Variants in AK5 observed in about 807,000 individuals in gnomAD.
The protein encoded by AK5 is adenylate kinase 5, also known as adenylate kinase isoenzyme 5.
Under a neutral mutation model 69.5 loss-of-function variants are expected in AK5, and 27 were observed. That is an observed-to-expected ratio of 0.39 (90% CI 0.29 to 0.54). The LOEUF is 0.54. Ranked by LOEUF, AK5 falls within the 20% of genes least tolerant of loss-of-function variation. The pLI is 0.71. For synonymous variants in AK5, 260 were observed against 244.4 expected, an observed-to-expected ratio of 1.06 and a Z score of -0.60; for missense variants, 531 against 700.4, an observed-to-expected ratio of 0.76 and a Z score of 2.73.
chr1:77,450,541 T>A (rs1410468522), intron 8 of AK5, among the ~76,000 whole-genome samples: 2 of 33,826 alleles, frequency 5.9e-5, no homozygotes, highest in Non-Finnish European at 1.2e-4. Context: ...TGGTTTAATC[T>A]TCACAACAGT....
At chr1:77,362,683 A>G (rs1022748376) in intron 6 of AK5, among the ~76,000 whole-genome samples, 3 of 152,246 alleles carry the variant, frequency 2.0e-5, no homozygotes, top group Admixed American at 6.5e-5. Flanking sequence ...CATCAAACAA[A>G]TTATAAAAAC....
chr1:77,486,502 T>C (rs566167586), intron 10 of AK5, 150 bp downstream of exon 10: 14 of 484,840 alleles, frequency 2.9e-5, no homozygotes, highest in East Asian at 1.6e-4. Flanking sequence ...GAGACCATCC[T>C]GGCTAACACA....
intron 8 of AK5, among the ~76,000 whole-genome samples, chr1:77,425,144 C>CT (rs1651109033): frequency 6.6e-6 from 1 of 152,106 alleles, no homozygotes; most frequent in African/African-American, 2.4e-5. Context: ...GGGAATAAAG[C>CT]ACCAACCTAG....
intron 8 of AK5, among the ~76,000 whole-genome samples, chr1:77,453,024 C>T (rs1248589360): frequency 1.3e-5 from 2 of 152,166 alleles, no homozygotes; most frequent in East Asian, 3.8e-4. Context: ...AATGATATAA[C>T]AAACATCATT....
chr1:77,334,442 T>C (rs1012334798), intron 5 of AK5, among the ~76,000 whole-genome samples: 3 of 152,142 alleles, frequency 2.0e-5, no homozygotes, highest in African/African-American at 7.2e-5. Context: ...TTCTGCTTAT[T>C]ATTGTTGGTT....
At position 77,521,025 on chromosome 1, in the gene AK5, A is replaced by G. The variant is rs145482641; in HGVS notation, c.1312-802A>G. Among the ~76,000 whole-genome samples the G allele has an allele frequency of 3.3e-3, 498 of 152,338 alleles. 4 individuals carry two copies. Among genetic ancestry groups the G allele is most frequent in the African/African-American group, 0.011 (455 of 41,566 alleles). On this transcript the variant is annotated intron_variant, in intron 11 of 13. Transcript: ENST00000354567. ...CACTTGCTAAATACAAATTTTCAAC[A>G]AAGAAAGTGATGTTACTTGAAAATG...
At chr1:77,297,790 G>C in intron 4 of AK5, 44 bp from the exon 5 acceptor site, 2 of 1,607,192 alleles carry the variant, frequency 1.2e-6, no homozygotes, top group Admixed American at 3.4e-5. Context: ...AGTATACTAA[G>C]TTTAACTGTG....
At chr1:77,303,794 G>A (rs1570344689) in intron 5 of AK5, among the ~76,000 whole-genome samples, 4 of 152,208 alleles carry the variant, frequency 2.6e-5, no homozygotes, top group Non-Finnish European at 2.9e-5. Flanking sequence ...CCATGGCCAG[G>A]TTCCAGCTGA....
rs1379207246 is a variant in AK5 at position 77,518,578 on chromosome 1, G to A, written c.1162G>A (p.Gly388Ser). ...IIFIIGGPGS[G>S]KGTQCEKLVE... ...TTCTTTTCAAGGTGGTCCTGGCTCT[G>A]GCAAAGGCACACAGTGTGAAAAGCT... Residue 388 changes from glycine to serine, a missense_variant, in exon 11 of 14, where the codon GGC becomes AGC. Coordinates refer to ENST00000354567, the MANE Select transcript of AK5 (RefSeq NM_174858.3). 1 of 1,614,028 alleles carries A rather than the reference G, an allele frequency of 6.2e-7. No individual in the cohort carries two copies. The highest frequency in any genetic ancestry group is 1.1e-5 in the South Asian group (1 of 91,040).
At chr1:77,467,767 G>T (rs942157927) in intron 8 of AK5, among the ~76,000 whole-genome samples, 2 of 152,204 alleles carry the variant, frequency 1.3e-5, no homozygotes, top group African/African-American at 2.4e-5. Context: ...TACAACCTCA[G>T]GGGAAGGAGG....
In AK5 at chr1:77,535,992, C is replaced by A; in HGVS notation, c.1574C>A (p.Ser525Tyr). The A allele has an allele frequency of 6.2e-7, 1 of 1,614,010 alleles. No individual in the cohort carries two copies. Among genetic ancestry groups the A allele is most frequent in the Non-Finnish European group, 8.5e-7 (1 of 1,179,990 alleles). Residue 525 changes from serine (S) to tyrosine (Y), a missense_variant, in exon 13 of 14, where the codon TCC becomes TAC. Physicochemically the swap from Ser to Tyr is moderately radical, Grantham distance 144. Transcript: ENST00000354567. ...CGCCTAGAAGCCTACTACCGAGCGT[C>A]CATCCCCGTGATCGCCTACTACGAG... ...AKRLEAYYRA[S>Y]IPVIAYYETK...
chr1:77,332,027 TC>T (rs1661114722), intron 5 of AK5, among the ~76,000 whole-genome samples: 1 of 152,136 alleles, frequency 6.6e-6, no homozygotes, highest in South Asian at 2.1e-4. Flanking sequence ...AGCCTTGACT[TC>T]CCCAGGCTCA....
chr1:77,340,270 C>T, intron 5 of AK5, 107 bp from the exon 6 acceptor site: 3 of 1,137,410 alleles, frequency 2.6e-6, no homozygotes, highest in Non-Finnish European at 3.8e-6. Flanking sequence ...ACATAGAGGG[C>T]CAAATATATG....
At chr1:77,282,806 A>G in intron 1 of AK5, 1 of 992,660 alleles carries the variant, frequency 1.0e-6, no homozygotes. Context: ...GAGGGTCGGA[A>G]CCCCTGGGGG....
intron 13 of AK5, among the ~76,000 whole-genome samples, chr1:77,542,249 G>A (rs1659316762): frequency 6.6e-6 from 1 of 152,138 alleles, no homozygotes; most frequent in African/African-American, 2.4e-5. Flanking sequence ...CTTGAACCTG[G>A]GAGGCGGAGG....
intron 12 of AK5, among the ~76,000 whole-genome samples, chr1:77,533,528 A>AC (rs1658781129): frequency 6.6e-6 from 1 of 151,054 alleles, no homozygotes; most frequent in Non-Finnish European, 1.5e-5. Context: ...AAAAAAAAAA[A>AC]AAAAAAACAG....
intron 12 of AK5, among the ~76,000 whole-genome samples, chr1:77,527,781 C>T (rs565002459): frequency 3.3e-5 from 5 of 152,274 alleles, no homozygotes; most frequent in East Asian, 1.9e-4. Flanking sequence ...ACCAGATGGC[C>T]GGGCACGGTG....
intron 10 of AK5, among the ~76,000 whole-genome samples, chr1:77,503,112 T>A (rs1418952473): frequency 2.0e-5 from 3 of 152,228 alleles, no homozygotes; most frequent in Admixed American, 2.0e-4. Flanking sequence ...TGTCCTAGGC[T>A]CTATATCTAG....
At chr1:77,501,262 T>C (rs1656702089) in intron 10 of AK5, among the ~76,000 whole-genome samples, 2 of 152,200 alleles carry the variant, frequency 1.3e-5, no homozygotes, top group Admixed American at 1.3e-4. Context: ...TGATGTTGAC[T>C]GAAGACCAGT....
Sources: allele counts gnomAD v4.1 joint callset (sites outside exome capture counted in the v4.1 genomes callset), GRCh38; gene constraint gnomAD v4.1.1; transcripts MANE v1.5; gene names NCBI Gene and HGNC (gene_info 2026-07-23, HGNC 2026-07-21).